The following PCDHA4 variants were observed in gnomAD, a reference collection of about 807,000 sequenced individuals.
The protein encoded by PCDHA4 is protocadherin alpha-4.
In PCDHA4, 49 loss-of-function variants were observed where a neutral mutation model predicts 61.4. The observed-to-expected ratio is 0.80, with a 90% CI of 0.63 to 1.01. The LOEUF (loss-of-function observed/expected upper bound fraction) is 1.01, where lower values mean the gene tolerates loss of function less well. Ranked by LOEUF, PCDHA4 falls within the 50% of genes least tolerant of loss-of-function variation. PCDHA4 has a pLI of 0.00. For synonymous variants in PCDHA4, 590 were observed against 550.3 expected, an observed-to-expected ratio of 1.07 and a Z score of -1.01; for missense variants, 1,254 against 1,235.8, an observed-to-expected ratio of 1.01 and a Z score of -0.22.
Position 140,914,027 on chromosome 5 carries a change from T to G in PCDHA4, c.2386-64922T>G, listed in dbSNP as rs188298966. Among the ~76,000 whole-genome samples the G allele has an allele frequency of 8.0e-3, 1,214 of 152,300 alleles. 6 individuals carry two copies. Among genetic ancestry groups the G allele is most frequent in the African/African-American group, 0.019 (784 of 41,574 alleles). On this transcript the variant is annotated intron_variant, in intron 1 of 3. Coordinates refer to ENST00000530339, the MANE Select transcript of PCDHA4 (RefSeq NM_018907.4). ...CTATCTTTGAGAATGATCCACGTGCTGAGAAGAATGTGTATTCTGCAGCTG... is the reference window on the plus strand; with the variant it reads ...CTATCTTTGAGAATGATCCACGTGCGGAGAAGAATGTGTATTCTGCAGCTG...
chr5:140,849,962 G>T, intron 1 of PCDHA4: 1 of 1,597,888 alleles, frequency 6.3e-7, no homozygotes, highest in Non-Finnish European at 8.6e-7. Flanking sequence ...AGAACGCCCT[G>T]GTGTCCTACT....
Position 140,870,808 on chromosome 5 carries a change from G to A in PCDHA4, c.2385+61236G>A, listed in dbSNP as rs368477795. 1.9e-5 allele frequency: 30 copies of A among 1,613,692 alleles called. No individual in the cohort carries two copies. The highest frequency in any genetic ancestry group is 3.3e-5 in the South Asian group (3 of 91,076). On this transcript the variant is annotated intron_variant, in intron 1 of 3. Coordinates refer to ENST00000530339, the MANE Select transcript of PCDHA4 (RefSeq NM_018907.4). ...CGCGCCGGCACTGCTGGCGACTCAGGCTGGCAGCGCGGGAGGCGCAGTTAA... is the reference window on the plus strand; with the variant it reads ...CGCGCCGGCACTGCTGGCGACTCAGACTGGCAGCGCGGGAGGCGCAGTTAA...
At chr5:141,000,393 C>CTATAAATATA (rs1563650230) in intron 3 of PCDHA4, among the ~76,000 whole-genome samples, 1 of 52,856 alleles carries the variant, frequency 1.9e-5, no homozygotes, top group African/African-American at 9.2e-5. Flanking sequence ...CTCTCTCTCT[C>CTATAAATATA]TCTATATATA....
chr5:140,991,588 C>T (rs1252872687), intron 3 of PCDHA4, among the ~76,000 whole-genome samples: 3 of 152,212 alleles, frequency 2.0e-5, no homozygotes, highest in African/African-American at 7.2e-5. Flanking sequence ...TTATTTCTAC[C>T]TGAGCCCTCA....
chr5:140,870,722 G>A (rs1554164638), intron 1 of PCDHA4: 2 of 1,613,222 alleles, frequency 1.2e-6, no homozygotes, highest in East Asian at 2.2e-5. Context: ...CGCGATGCGG[G>A]CGTGCCGCCT....
intron 1 of PCDHA4, chr5:140,857,651 A>G (rs781834004): frequency 6.3e-7 from 1 of 1,596,558 alleles, no homozygotes; most frequent in South Asian, 1.1e-5. Context: ...GTTCCAGGTG[A>G]GCGCGCGCGA....
Position 141,009,759 on chromosome 5 carries a change from GATCTCCTGCAATCATCTCC to G in PCDHA4, c.2670_2688del (p.Pro891GlyfsTer15). 6.2e-7 allele frequency: 1 copy of G among 1,614,082 alleles called. No individual in the cohort carries two copies. The highest frequency in any genetic ancestry group is 8.5e-7 in the Non-Finnish European group (1 of 1,180,014). On this transcript the variant is annotated frameshift_variant, in exon 4 of 4. Transcript: ENST00000530339. LOFTEE classifies it high-confidence loss of function. Reference sequence around the variant, plus strand: ...TTGCCCGACAAATTCATTATCCCAGGATCTCCTGCAATCATCTCCATCCGGCAGGAGCCTACTAACAGCC... The same window carrying G: ...TTGCCCGACAAATTCATTATCCCAGGATCCGGCAGGAGCCTACTAACAGCC...
chr5:140,944,664 T>A (rs2093679523), intron 1 of PCDHA4, among the ~76,000 whole-genome samples: 1 of 152,202 alleles, frequency 6.6e-6, no homozygotes, highest in South Asian at 2.1e-4. Context: ...ACCCCTTATT[T>A]ATCTATTCTG....
At chr5:140,871,536 A>G in intron 1 of PCDHA4, 1 of 1,507,188 alleles carries the variant, frequency 6.6e-7, no homozygotes, top group East Asian at 2.4e-5. Context: ...AGTGTATGTG[A>G]AATTATTTAA....
chr5:140,830,527 A>T (rs1409686582), intron 1 of PCDHA4: 11 of 1,307,954 alleles, frequency 8.4e-6, no homozygotes, highest in Non-Finnish European at 1.1e-5. Context: ...TTTATTTTAA[A>T]TTTATAATTG....
At chr5:140,946,277 AT>A (rs1554217463) in intron 1 of PCDHA4, among the ~76,000 whole-genome samples, 1 of 152,068 alleles carries the variant, frequency 6.6e-6, no homozygotes, top group Non-Finnish European at 1.5e-5. Flanking sequence ...TAAAACCCCA[AT>A]GAGATATCAC....
At chr5:140,967,141 G>T in intron 1 of PCDHA4, 2 of 1,611,258 alleles carry the variant, frequency 1.2e-6, no homozygotes, top group South Asian at 1.1e-5. Flanking sequence ...AAGTGCTGGC[G>T]CACAACCCCG....
intron 1 of PCDHA4, chr5:140,822,712 A>G (rs1374875942): frequency 2.5e-6 from 4 of 1,610,830 alleles, no homozygotes; most frequent in African/African-American, 2.7e-5. Flanking sequence ...TGAAGACTAT[A>G]ACTCATATGA....
chr5:140,914,928 T>C lies in PCDHA4; in HGVS notation c.2386-64021T>C, dbSNP rs75399267. On this transcript the variant is annotated intron_variant, in intron 1 of 3. Coordinates refer to ENST00000530339, the MANE Select transcript of PCDHA4 (RefSeq NM_018907.4). ...TGTTTCTCTGTGTCTTATTGTACTA[T>C]GTTGTGAAAAGTTGTCTTTTTTTTT... Among the ~76,000 whole-genome samples the C allele has an allele frequency of 4.6e-3, 691 of 150,904 alleles. 3 individuals carry two copies. The highest frequency in any genetic ancestry group is 0.016 in the African/African-American group (668 of 41,182).
intron 1 of PCDHA4, chr5:140,966,931 C>T: frequency 6.2e-7 from 1 of 1,603,674 alleles, no homozygotes; most frequent in Non-Finnish European, 8.5e-7. Flanking sequence ...AGGCACCCGG[C>T]GCGCTCGTGG....
rs782226531 is a variant in PCDHA4, at chr5:140,928,688, A to G, written c.2386-50261A>G. 6 of 1,614,004 alleles carry G rather than the reference A, an allele frequency of 3.7e-6. No homozygotes were observed. The African/African-American group carries it at 4.0e-5, about 11-fold the overall frequency. The stretch of plus-strand genomic sequence containing the variant: ...GGTTCTAATGCCTGGCTTTCCTACC[A>G]CATCTCCCGGGCGTCTGACTCTAGT... On this transcript the variant is annotated intron_variant, in intron 1 of 3. Transcript: ENST00000530339.
At position 140,807,282 on chromosome 5, in the gene PCDHA4, A is replaced by C; in HGVS notation, c.95A>C (p.His32Pro). 6.2e-7 allele frequency: 1 copy of C among 1,614,210 alleles called. No individual in the cohort carries two copies. The highest frequency in any genetic ancestry group is 8.5e-7 in the Non-Finnish European group (1 of 1,180,038). Reference protein sequence around the residue: ...AAWEAGNGQLHYSVSEEAKHG... With the variant: ...AAWEAGNGQLPYSVSEEAKHG... ...TGGGAGGCAGGGAACGGTCAGCTCC[A>C]CTACTCGGTCTCCGAGGAGGCCAAA... is the stretch of plus-strand genomic sequence containing the variant. Residue 32 changes from histidine to proline, a missense_variant, in exon 1 of 4, where the codon CAC becomes CCC. His to Pro is a moderately conservative substitution (Grantham distance 77). Transcript: ENST00000530339.
At position 140,829,352 on chromosome 5, in the gene PCDHA4, T is replaced by A; in HGVS notation, c.2385+19780T>A. 12 of 1,614,230 alleles carry A rather than the reference T, an allele frequency of 7.4e-6. No individual in the cohort carries two copies. Among genetic ancestry groups the A allele is most frequent in the Non-Finnish European group, 1.0e-5 (12 of 1,180,050 alleles). On this transcript the variant is annotated intron_variant, in intron 1 of 3. Transcript: ENST00000530339. ...CCTGGACCGCGAGAGCGTGTCGGCC[T>A]ATGAGTTGGTGGTAACCGCGCGGGA...
intron 1 of PCDHA4, chr5:140,882,370 C>T: frequency 6.2e-7 from 1 of 1,614,220 alleles, no homozygotes; most frequent in Non-Finnish European, 8.5e-7. Context: ...TCCACTACTC[C>T]GTCCCCGAGG....
Sources: allele counts gnomAD v4.1 joint callset (sites outside exome capture counted in the v4.1 genomes callset), GRCh38; gene constraint gnomAD v4.1.1; transcripts MANE v1.5; gene names NCBI Gene and HGNC (gene_info 2026-07-23, HGNC 2026-07-21).